IKBKB: variants seen among roughly 807,000 people sequenced by gnomAD.
The protein encoded by IKBKB is inhibitor of nuclear factor kappa B kinase subunit beta, also known as inhibitor of nuclear factor kappa-B kinase subunit beta.
In IKBKB, 42 loss-of-function variants were observed where a neutral mutation model predicts 113.6. The observed-to-expected ratio is 0.37, with a 90% CI of 0.29 to 0.48. IKBKB has a LOEUF of 0.48. Ranked by LOEUF, IKBKB falls within the 20% of genes least tolerant of loss-of-function variation. The pLI, the probability that IKBKB is intolerant of heterozygous loss-of-function variation, is 0.99. For missense variants in IKBKB, 673 were observed against 939.7 expected (o/e 0.72, Z 3.71); for synonymous variants, 296 against 361.3 (o/e 0.82, Z 2.05).
chr8:42,319,345 G>A lies in IKBKB; in HGVS notation c.1440G>A (p.Lys480=), dbSNP rs878897414. 1.2e-6 allele frequency: 2 copies of A among 1,614,110 alleles called. No homozygotes were observed. The highest frequency in any genetic ancestry group is 1.1e-5 in the South Asian group (1 of 91,080). ...NSMASMSQQL[K]AKLDFFKTSI... is the part of the protein sequence containing the mutation. ...TGGCTTCCATGTCTCAGCAGCTCAA[G>A]GCCAAGTTGGATTTCTTCAAAACCA... Residue 480 remains lysine (K), a synonymous_variant, in exon 14 of 22, where the codon AAG becomes AAA. Transcript: ENST00000520810.
Position 42,288,617 on chromosome 8 carries a change from C to T in IKBKB, c.106-17C>T. The T allele has an allele frequency of 1.3e-6, 2 of 1,598,954 alleles. No homozygotes were observed. The highest frequency in any genetic ancestry group is 8.5e-7 in the Non-Finnish European group (1 of 1,170,802). The stretch of plus-strand genomic sequence containing the variant: ...CTGCAGCTCGCTCTGCTGGTCCCCA[C>T]TGTGCTGTTTCTGTAGGAAACAGGT... On this transcript the variant is annotated splice_polypyrimidine_tract_variant and intron_variant, in intron 2 of 21. Coordinates refer to ENST00000520810, the MANE Select transcript of IKBKB (RefSeq NM_001556.3).
At chr8:42,310,753 C>T (rs1817552891) in intron 8 of IKBKB, among the ~76,000 whole-genome samples, 1 of 152,296 alleles carries the variant, frequency 6.6e-6, no homozygotes, top group South Asian at 2.1e-4. Context: ...TGTGTGTCTC[C>T]AGGCTCTTCA....
intron 12 of IKBKB, 66 bp from the exon 13 acceptor site, chr8:42,318,486 A>G: frequency 6.4e-7 from 1 of 1,568,096 alleles, no homozygotes; most frequent in Non-Finnish European, 8.7e-7. Flanking sequence ...CGAAGGCAGG[A>G]TATGGTTAAT....
At chr8:42,314,877 G>C (rs1818384544) in intron 9 of IKBKB, among the ~76,000 whole-genome samples, 1 of 151,988 alleles carries the variant, frequency 6.6e-6, no homozygotes, top group Non-Finnish European at 1.5e-5. Context: ...AATTAACATA[G>C]TCCTTCTTAA....
At chr8:42,292,582 C>T (rs10103678) in intron 4 of IKBKB, among the ~76,000 whole-genome samples, 1,898 of 152,220 alleles carry the variant, frequency 0.012, 41 homozygotes, top group African/African-American at 0.044. Flanking sequence ...ATGTAAGAGT[C>T]GATGTTAAAA....
intron 21 of IKBKB, chr8:42,330,456 A>G (rs10100573): frequency 0.95 from 233,568 of 246,428 alleles, 110,848 homozygotes; most frequent in East Asian, 0.99. Flanking sequence ...AAAGTGCTGG[A>G]ACTATAGGCA....
intron 2 of IKBKB, among the ~76,000 whole-genome samples, chr8:42,280,841 C>T (rs1810242088): frequency 6.6e-6 from 1 of 152,148 alleles, no homozygotes; most frequent in Non-Finnish European, 1.5e-5. Context: ...CTGTACTTGT[C>T]CCTTTATGGG....
chr8:42,272,138 G>A lies in IKBKB; in HGVS notation c.38G>A (p.Gly13Glu). 1 of 1,614,154 alleles carries A rather than the reference G, an allele frequency of 6.2e-7. No individual in the cohort carries two copies. Among genetic ancestry groups the A allele is most frequent in the Non-Finnish European group, 8.5e-7 (1 of 1,180,030 alleles). Residue 13 changes from glycine (G) to glutamate (E), a missense_variant, in exon 2 of 22, where the codon GGG (glycine) becomes GAG (glutamate). Coordinates refer to ENST00000520810, the MANE Select transcript of IKBKB (RefSeq NM_001556.3). ...WSPSLTTQTC[G>E]AWEMKERLGT... ...CCTTCCCTGACAACGCAGACATGTG[G>A]GGCCTGGGAAATGAAAGAGCGCCTT...
intron 5 of IKBKB, among the ~76,000 whole-genome samples, chr8:42,302,741 G>C (rs1183118351): frequency 6.7e-6 from 1 of 148,970 alleles, no homozygotes; most frequent in Non-Finnish European, 1.5e-5. Flanking sequence ...GGGTTCATTA[G>C]GAATATGCCA....
At chr8:42,274,786 G>GGGGCCCCCC (rs1808636509) in intron 2 of IKBKB, among the ~76,000 whole-genome samples, 1 of 5,546 alleles carries the variant, frequency 1.8e-4, no homozygotes, top group Non-Finnish European at 3.1e-4. Context: ...CCGCCGGCGC[G>GGGGCCCCCC]CCCCCCCCCC....
At chr8:42,314,902 TG>T (rs1475890493) in intron 9 of IKBKB, among the ~76,000 whole-genome samples, 1 of 152,220 alleles carries the variant, frequency 6.6e-6, no homozygotes, top group East Asian at 1.9e-4. Flanking sequence ...AAATCTGGAA[TG>T]GGTTTTCCTC....
Position 42,293,527 on chromosome 8 carries a change from C to G in IKBKB, c.388+15C>G. 3 of 1,614,116 alleles carry G rather than the reference C, an allele frequency of 1.9e-6. No individual in the cohort carries two copies. The highest frequency in any genetic ancestry group is 2.5e-6 in the Non-Finnish European group (3 of 1,180,028). ...GAGTGACATTGGTAAATCCCAGTCC[C>G]GGAATTCAGGCCGTGTCCTTCAGGG... On this transcript the variant is annotated intron_variant, in intron 5 of 21. Transcript: ENST00000520810.
chr8:42,311,390 A>C (rs2130588575), intron 8 of IKBKB, among the ~76,000 whole-genome samples: 1 of 152,120 alleles, frequency 6.6e-6, no homozygotes, highest in Admixed American at 6.6e-5. Flanking sequence ...ATGAAACCCC[A>C]TCTCTGCTAA....
intron 2 of IKBKB, 130 bp downstream of exon 2, chr8:42,272,335 G>T: frequency 8.0e-7 from 1 of 1,255,878 alleles, no homozygotes; most frequent in Non-Finnish European, 1.1e-6. Flanking sequence ...TGAATAGGGG[G>T]ACTGGGAAGA....
chr8:42,299,984 A>G (rs1438320660), intron 5 of IKBKB, among the ~76,000 whole-genome samples: 1 of 152,210 alleles, frequency 6.6e-6, no homozygotes, highest in African/African-American at 2.4e-5. Context: ...CAGACTGTGC[A>G]GGAAGTTAGG....
chr8:42,310,272 T>G (rs1479782500), intron 8 of IKBKB, among the ~76,000 whole-genome samples: 1 of 152,232 alleles, frequency 6.6e-6, no homozygotes, highest in African/African-American at 2.4e-5. Context: ...TAAGTTCATG[T>G]GGCTCAAATT....
chr8:42,313,270 G>A lies in IKBKB; in HGVS notation c.693-1052G>A, dbSNP rs141350164. 3.2e-3 allele frequency among the ~76,000 whole-genome samples: 490 copies of A among 152,188 alleles called. 7 individuals carry two copies. The highest frequency in any genetic ancestry group is 0.011 in the African/African-American group (453 of 41,516). ...GTTTCAGACTAGCCTAGGCAACATG[G>A]TAAAACCCCGTCTCTACAAAAAATA... On this transcript the variant is annotated intron_variant, in intron 8 of 21. Transcript: ENST00000520810.
chr8:42,316,367 G>A lies in IKBKB; in HGVS notation c.930+28G>A. On this transcript the variant is annotated intron_variant, in intron 10 of 21. Transcript: ENST00000520810. The surrounding 1 kb of genome is among the most constrained non-coding windows in gnomAD (Gnocchi z 4.5). Reference sequence around the variant, plus strand: ...GAGTGTGGAGCCAAGTTAGCCCTGAGGCAAAAGCTGGGGTCCCCAGTGGAA... The same window carrying A: ...GAGTGTGGAGCCAAGTTAGCCCTGAAGCAAAAGCTGGGGTCCCCAGTGGAA... 1.2e-6 allele frequency: 2 copies of A among 1,613,556 alleles called. No individual in the cohort carries two copies. The highest frequency in any genetic ancestry group is 8.5e-7 in the Non-Finnish European group (1 of 1,179,658).
At chr8:42,309,443 T>C (rs1817259915) in intron 8 of IKBKB, 2 of 385,262 alleles carry the variant, frequency 5.2e-6, no homozygotes, top group African/African-American at 2.1e-5. Flanking sequence ...AACCTGAATA[T>C]AAATTTTTGT....
Sources: allele counts gnomAD v4.1 joint callset (sites outside exome capture counted in the v4.1 genomes callset), GRCh38; gene constraint gnomAD v4.1.1; non-coding constraint Gnocchi (gnomAD v3.1); transcripts MANE v1.5; gene names NCBI Gene and HGNC (gene_info 2026-07-23, HGNC 2026-07-21).